The following ESYT2 variants were observed in gnomAD, a reference collection of about 807,000 sequenced individuals.
ESYT2 encodes extended synaptotagmin-2.
In ESYT2, 54 loss-of-function variants were observed where a neutral mutation model predicts 107.2. That is an observed-to-expected ratio of 0.50 (90% CI 0.40 to 0.63). The LOEUF (loss-of-function observed/expected upper bound fraction) is 0.63, where lower values mean the gene tolerates loss of function less well. Among genes scored for constraint, ESYT2 ranks in the 30% least tolerant of loss-of-function variants. The pLI, the probability that ESYT2 is intolerant of heterozygous loss-of-function variation, is 0.00. For synonymous variants in ESYT2, 491 were observed against 434.1 expected, an observed-to-expected ratio of 1.13 and a Z score of -1.63; for missense variants, 1,020 against 1,094.5, an observed-to-expected ratio of 0.93 and a Z score of 0.96.
At chr7:158,741,116 C>A (rs6459897) in intron 18 of ESYT2, among the ~76,000 whole-genome samples, 1 of 152,192 alleles carries the variant, frequency 6.6e-6, no homozygotes, top group Admixed American at 6.5e-5. Context: ...GATCCAACTA[C>A]GTGAAAGAGC....
At chr7:158,801,710 T>G (rs1411061824) in intron 1 of ESYT2, among the ~76,000 whole-genome samples, 1 of 152,224 alleles carries the variant, frequency 6.6e-6, no homozygotes, top group Non-Finnish European at 1.5e-5. Context: ...ATTATCTGTA[T>G]GAACTAGAAA....
At chr7:158,812,121 G>A (rs1254798610) in intron 1 of ESYT2, among the ~76,000 whole-genome samples, 1 of 152,188 alleles carries the variant, frequency 6.6e-6, no homozygotes, top group Non-Finnish European at 1.5e-5. Context: ...CCACAGGCCG[G>A]CTCAGACCCA....
chr7:158,810,966 T>C (rs975866369), intron 1 of ESYT2, among the ~76,000 whole-genome samples: 90 of 148,304 alleles, frequency 6.1e-4, no homozygotes, highest in African/African-American at 2.1e-3. Context: ...CTGGATTGTA[T>C]GGTATGTGAA....
chr7:158,777,107 C>A (rs1417247844), intron 6 of ESYT2, among the ~76,000 whole-genome samples: 1 of 152,058 alleles, frequency 6.6e-6, no homozygotes, highest in African/African-American at 2.4e-5. Context: ...AAGTGATCCG[C>A]CCCACTTGGC....
intron 6 of ESYT2, among the ~76,000 whole-genome samples, chr7:158,778,069 C>T (rs1382210873): frequency 6.6e-6 from 1 of 152,162 alleles, no homozygotes; most frequent in Non-Finnish European, 1.5e-5. Context: ...TTAAATGTCG[C>T]ATTCATATTT....
chr7:158,749,627 G>A, intron 15 of ESYT2, 22 bp downstream of exon 15: 1 of 1,613,136 alleles, frequency 6.2e-7, no homozygotes, highest in East Asian at 2.2e-5. Flanking sequence ...CACCAAGGCT[G>A]AGTCCAGGGC....
intron 1 of ESYT2, among the ~76,000 whole-genome samples, chr7:158,816,078 G>A (rs1428831248): frequency 6.6e-6 from 1 of 152,292 alleles, no homozygotes; most frequent in South Asian, 2.1e-4. Context: ...GAGGATCTTC[G>A]CTGGTGGAGG....
chr7:158,782,594 AG>A (rs36186730), intron 6 of ESYT2, among the ~76,000 whole-genome samples: 1 of 146,258 alleles, frequency 6.8e-6, no homozygotes, highest in Non-Finnish European at 1.5e-5. Flanking sequence ...ATGAGTGTGA[AG>A]GAACAAGAGC....
In ESYT2 at chr7:158,743,689, C is replaced by A. The variant is rs1837295150; in HGVS notation, c.1645-11G>T. On this transcript the variant is annotated splice_polypyrimidine_tract_variant and intron_variant, in intron 16 of 22. Transcript: ENST00000275418. ...CTGCTCGTCTCTGACCTGCAAAACA[C>A]AGGGTGGAAACACTGGCATAACTAG... 6.2e-7 allele frequency: 1 copy of A among 1,604,546 alleles called. No homozygotes were observed. Among genetic ancestry groups the A allele is most frequent in the South Asian group, 1.1e-5 (1 of 89,924 alleles).
intron 1 of ESYT2, among the ~76,000 whole-genome samples, chr7:158,822,356 A>G (rs1840309196): frequency 1.3e-5 from 2 of 152,236 alleles, no homozygotes; most frequent in Admixed American, 1.3e-4. Context: ...CTTTGGAATA[A>G]CTCACGGAAA....
chr7:158,767,852 C>A, intron 7 of ESYT2, 78 bp from the exon 8 acceptor site: 12 of 1,505,234 alleles, frequency 8.0e-6, no homozygotes, highest in Non-Finnish European at 8.1e-6. Context: ...AACAGACTTA[C>A]CACGAATATG....
chr7:158,741,802 G>A lies in ESYT2; in HGVS notation c.1889C>T (p.Ser630Phe), dbSNP rs780767862. ...PSVSKEGRKT[S>F]IKSHMSGSPG... is the part of the protein sequence containing the mutation. Reference sequence around the variant, plus strand: ...AGACCCAGACATATGAGATTTGATGGATGTTTTCCTCCCCTCTTTGGACAC... The same window carrying A: ...AGACCCAGACATATGAGATTTGATGAATGTTTTCCTCCCCTCTTTGGACAC... The change falls in exon 18 of 23, where the codon TCC becomes TTC. Residue 630 changes from serine to phenylalanine, a missense_variant. Physicochemically the swap from Ser to Phe is radical, Grantham distance 155. Transcript: ENST00000275418. 6.2e-7 allele frequency: 1 copy of A among 1,614,072 alleles called. No individual in the cohort carries two copies. Among genetic ancestry groups the A allele is most frequent in the East Asian group, 2.2e-5 (1 of 44,852 alleles).
At chr7:158,782,231 G>A (rs576184508) in intron 6 of ESYT2, among the ~76,000 whole-genome samples, 1 of 79,240 alleles carries the variant, frequency 1.3e-5, no homozygotes. Context: ...AGATGTGAGT[G>A]TAACAACGAG....
intron 6 of ESYT2, among the ~76,000 whole-genome samples, chr7:158,775,427 C>T (rs1457351413): frequency 6.6e-6 from 1 of 152,176 alleles, no homozygotes; most frequent in African/African-American, 2.4e-5. Context: ...CTTTCAAAAG[C>T]GGAGTCATCC....
rs771960928 is a variant in ESYT2, at chr7:158,799,846, A to C, written c.331-774T>G. Among the ~76,000 whole-genome samples, 14 of 152,044 alleles carry C rather than the reference A, an allele frequency of 9.2e-5. No individual in the cohort carries two copies. The East Asian group carries it at 1.4e-3, about 15-fold the overall frequency. On this transcript the variant is annotated intron_variant, in intron 1 of 22. Transcript: ENST00000275418. Reference sequence around the variant, plus strand: ...TGTACAGGAGAAAAGAAACCTATTTAGGGCCAGGCATGGTGGCTCATGCCT... The same window carrying C: ...TGTACAGGAGAAAAGAAACCTATTTCGGGCCAGGCATGGTGGCTCATGCCT...
At chr7:158,798,539 G>A (rs981092831) in intron 2 of ESYT2, among the ~76,000 whole-genome samples, 3 of 150,666 alleles carry the variant, frequency 2.0e-5, no homozygotes, top group African/African-American at 7.3e-5. Context: ...CCAGCTACTC[G>A]GGAGGCTGAG....
chr7:158,823,356 T>G (rs1840342777), intron 1 of ESYT2, among the ~76,000 whole-genome samples: 1 of 136,386 alleles, frequency 7.3e-6, no homozygotes, highest in South Asian at 2.7e-4. Context: ...AGACGGACTG[T>G]GGCTCTGTCG....
At chr7:158,753,364 A>C (rs1837645527) in intron 13 of ESYT2, among the ~76,000 whole-genome samples, 1 of 152,140 alleles carries the variant, frequency 6.6e-6, no homozygotes, top group South Asian at 2.1e-4. Flanking sequence ...CCGGGGTAGG[A>C]GTCAGGCTGG....
intron 6 of ESYT2, among the ~76,000 whole-genome samples, chr7:158,775,889 T>G (rs1330085185): frequency 2.6e-5 from 4 of 152,220 alleles, no homozygotes; most frequent in African/African-American, 9.6e-5. Flanking sequence ...CTGTGGCAGC[T>G]ATCGTCTTAC....
Sources: gnomAD v4.1 joint callset for allele counts (sites outside exome capture counted in the v4.1 genomes callset) on GRCh38, gnomAD v4.1.1 for gene constraint, MANE v1.5 for transcripts, NCBI Gene and HGNC (gene_info 2026-07-23, HGNC 2026-07-21) for gene names.